The following RHBDL3 variants were observed in gnomAD, a reference collection of about 807,000 sequenced individuals.
RHBDL3 encodes the protein rhomboid-related protein 3.
A neutral mutation model predicts 48.2 loss-of-function variants in RHBDL3; 28 were observed. The ratio of observed to expected loss-of-function variants is 0.58; its 90% CI spans 0.43 to 0.80. RHBDL3 has a LOEUF of 0.80. Ranked by LOEUF, RHBDL3 falls within the 30% of genes least tolerant of loss-of-function variation. RHBDL3 has a pLI of 0.00. For missense variants in RHBDL3, 464 were observed against 542.7 expected (o/e 0.85, Z 1.44); for synonymous variants, 208 against 232.3 (o/e 0.90, Z 0.95).
chr17:32,316,368 C>T, intron 8 of RHBDL3, 76 bp downstream of exon 8: 1 of 1,109,496 alleles, frequency 9.0e-7, no homozygotes, highest in Non-Finnish European at 1.4e-6. Flanking sequence ...CAGTTCCTGC[C>T]CTTCACGGGC....
At chr17:32,276,908 ACCTTACTC>A (rs1281977197) in intron 2 of RHBDL3, among the ~76,000 whole-genome samples, 84 of 116,374 alleles carry the variant, frequency 7.2e-4, no homozygotes, top group African/African-American at 2.5e-3. Context: ...CGGCCCTAGC[ACCTTACTC>A]CAGCCCTAGC....
chr17:32,318,548 G>A (rs983476686), intron 8 of RHBDL3, among the ~76,000 whole-genome samples: 1 of 151,570 alleles, frequency 6.6e-6, no homozygotes, highest in African/African-American at 2.4e-5. Context: ...CACCTAGAAA[G>A]GGTATTATTA....
At chr17:32,313,010 C>T (rs914672177) in intron 7 of RHBDL3, among the ~76,000 whole-genome samples, 4 of 152,018 alleles carry the variant, frequency 2.6e-5, no homozygotes, top group African/African-American at 9.7e-5. Flanking sequence ...CCATGTTGCC[C>T]ATGCTGGTCT....
intron 4 of RHBDL3, among the ~76,000 whole-genome samples, chr17:32,293,597 A>G (rs1293112768): frequency 6.6e-6 from 1 of 151,948 alleles, no homozygotes; most frequent in Non-Finnish European, 1.5e-5. Flanking sequence ...AAAAAACCCA[A>G]AAAACTGATT....
At chr17:32,274,319 G>A (rs1423724276) in intron 2 of RHBDL3, among the ~76,000 whole-genome samples, 1 of 152,170 alleles carries the variant, frequency 6.6e-6, no homozygotes, top group Non-Finnish European at 1.5e-5. Flanking sequence ...GTGGTCTATC[G>A]TGACACTGGG....
intron 2 of RHBDL3, among the ~76,000 whole-genome samples, chr17:32,270,486 T>C (rs951895962): frequency 3.3e-5 from 5 of 151,894 alleles, no homozygotes; most frequent in African/African-American, 1.2e-4. Flanking sequence ...GAAGCCATGG[T>C]GTTGGTCTTG....
intron 6 of RHBDL3, among the ~76,000 whole-genome samples, chr17:32,304,183 C>T (rs1331708863): frequency 1.3e-5 from 2 of 152,170 alleles, no homozygotes; most frequent in South Asian, 2.1e-4. Flanking sequence ...TTCCTTTCCC[C>T]CAGAGGGTAT....
At chr17:32,288,711 G>A in intron 3 of RHBDL3, 81 bp from the exon 4 acceptor site, 2 of 1,022,240 alleles carry the variant, frequency 2.0e-6, no homozygotes, top group Middle Eastern at 3.1e-4. Flanking sequence ...CCTGGTGCAA[G>A]GAACATGCTG....
At position 32,266,214 on chromosome 17, in the gene RHBDL3, C is replaced by G. The variant is rs1468347971; in HGVS notation, c.25C>G (p.Pro9Ala). Residue 9 changes from proline to alanine, a missense_variant, in exon 1 of 9, where the codon CCC becomes GCC. Coordinates refer to ENST00000269051, the MANE Select transcript of RHBDL3 (RefSeq NM_138328.3). ...CATGGGCGAGCACCCCAGCCCGGGC[C>G]CCGCGGTGGCCGCCTGCGCCGAGGC... Reference protein sequence around the residue: MGEHPSPGPAVAACAEAER... With the variant: MGEHPSPGAAVAACAEAER... 93 of 1,409,488 alleles carry G rather than the reference C, an allele frequency of 6.6e-5. No individual in the cohort carries two copies. The highest frequency in any genetic ancestry group is 8.4e-5 in the Non-Finnish European group (91 of 1,087,230). The allele number at this position is 1,409,488 out of a possible 1,614,324, so 87.3% of individuals were successfully genotyped here.
intron 2 of RHBDL3, chr17:32,280,772 C>T (rs1383070341): frequency 6.6e-6 from 1 of 152,228 alleles, no homozygotes; most frequent in Non-Finnish European, 1.5e-5. Context: ...GTTAGAAACT[C>T]CCAGCTTCCT....
chr17:32,266,053 C>T lies in RHBDL3; in HGVS notation c.-137C>T. The T allele has an allele frequency of 6.4e-6, 1 of 155,402 alleles. No individual in the cohort carries two copies. The highest frequency in any genetic ancestry group is 1.3e-5 in the Non-Finnish European group (1 of 74,714). The allele number at this position is 155,402 out of a possible 1,614,324, so 9.6% of individuals were successfully genotyped here. A position where few individuals can be genotyped will look rare whatever the true frequency, so the allele number is the denominator to read the frequency against. ...GGGACCGGGGCCATGGGGGCGGGCG[C>T]GGGCTGCGGAGCGGGCGCGGAGGCG... On this transcript the variant is annotated 5_prime_UTR_variant, in exon 1 of 9. Coordinates refer to ENST00000269051, the MANE Select transcript of RHBDL3 (RefSeq NM_138328.3).
chr17:32,314,392 T>G (rs539638859), intron 7 of RHBDL3, among the ~76,000 whole-genome samples: 1 of 151,480 alleles, frequency 6.6e-6, no homozygotes, highest in African/African-American at 2.4e-5. Flanking sequence ...TTTATTTTTA[T>G]TTTTTTTGAG....
At chr17:32,291,799 TCTCC>T (rs1041896102) in intron 4 of RHBDL3, among the ~76,000 whole-genome samples, 4 of 137,808 alleles carry the variant, frequency 2.9e-5, no homozygotes, top group Non-Finnish European at 4.6e-5. Flanking sequence ...TTAGACAGAG[TCTCC>T]CTCTGTCACC....
intron 4 of RHBDL3, among the ~76,000 whole-genome samples, chr17:32,292,055 C>T (rs987034626): frequency 6.6e-6 from 1 of 152,258 alleles, no homozygotes; most frequent in African/African-American, 2.4e-5. Flanking sequence ...CAGGCGTGAG[C>T]CACTGTGCCC....
chr17:32,269,970 G>A (rs1309238532), intron 2 of RHBDL3, among the ~76,000 whole-genome samples: 1 of 151,758 alleles, frequency 6.6e-6, no homozygotes, highest in African/African-American at 2.4e-5. Flanking sequence ...GTAGGTCCTG[G>A]GTCCTGGGTG....
chr17:32,274,808 GTGTT>G (rs56716393), intron 2 of RHBDL3, among the ~76,000 whole-genome samples: 51,107 of 147,922 alleles, frequency 0.35, 9,161 homozygotes, highest in African/African-American at 0.47. Flanking sequence ...GTGTGCACGT[GTGTT>G]TGTGCATGAG....
chr17:32,267,723 G>A (rs955305290), intron 1 of RHBDL3, 179 bp from the exon 2 acceptor site: 7 of 1,464,380 alleles, frequency 4.8e-6, no homozygotes, highest in Non-Finnish European at 6.3e-6. Flanking sequence ...ACTCATTGGG[G>A]AGCTCCTCCC....
At chr17:32,317,373 C>G (rs569451672) in intron 8 of RHBDL3, among the ~76,000 whole-genome samples, 3 of 152,176 alleles carry the variant, frequency 2.0e-5, no homozygotes, top group Admixed American at 6.6e-5. Flanking sequence ...ACACATATAT[C>G]AAAAGCTGCA....
rs553055615 is a variant in RHBDL3, at chr17:32,310,117, T to C, written c.882+4676T>C. Among the ~76,000 whole-genome samples the C allele has an allele frequency of 2.6e-5, 4 of 152,330 alleles. No individual in the cohort carries two copies. The East Asian group carries it at 5.8e-4, about 22-fold the overall frequency. ...ATTGAATAATTTATTAATTGCCTCC[T>C]GCTGGCCAGAGTTCCATTTTTTAAT... On this transcript the variant is annotated intron_variant, in intron 7 of 8. Transcript: ENST00000269051.
Sources: allele counts gnomAD v4.1 joint callset (sites outside exome capture counted in the v4.1 genomes callset), GRCh38; gene constraint gnomAD v4.1.1; transcripts MANE v1.5; gene names NCBI Gene and HGNC (gene_info 2026-07-23, HGNC 2026-07-21).